Variants in CMSS1 observed in about 807,000 individuals in gnomAD.
The protein encoded by CMSS1 is cms1 ribosomal small subunit homolog.
CMSS1 carries 33 observed loss-of-function variants against 43.5 expected under a neutral mutation model. The observed-to-expected ratio is 0.76, with a 90% confidence interval of 0.57 to 1.01. The LOEUF is 1.01. Ranked by LOEUF, CMSS1 falls within the 50% of genes least tolerant of loss-of-function variation. The pLI is 0.00. For synonymous variants in CMSS1, 115 were observed against 117.2 expected (o/e 0.98, Z 0.12); for missense variants, 313 against 326.4 (o/e 0.96, Z 0.32).
intron 1 of CMSS1, among the ~76,000 whole-genome samples, chr3:99,839,550 C>T (rs1259583411): frequency 1.3e-5 from 2 of 152,120 alleles, no homozygotes; most frequent in African/African-American, 4.8e-5. Context: ...AAAACCAATT[C>T]CCTTCTCCCC....
chr3:100,029,082 C>G (rs1460053326), intron 1 of CMSS1, among the ~76,000 whole-genome samples: 1 of 151,832 alleles, frequency 6.6e-6, no homozygotes, highest in African/African-American at 2.4e-5. Flanking sequence ...CCCAAGCTAC[C>G]CTGGGAGCTG....
rs555819875 is a variant in CMSS1 at position 100,074,675 on chromosome 3, A to AT, written c.65-72262dup. Among the ~76,000 whole-genome samples the AT allele has an allele frequency of 9.4e-3, 328 of 34,770 alleles. 123 individuals carry two copies. The highest frequency in any genetic ancestry group is 0.011 in the Non-Finnish European group (223 of 20,228). The allele number at this position is 34,770 out of a possible 152,430, so 22.8% of individuals were successfully genotyped here. ...ATTTTCTATGCATGTGCAACATTTGATTTTTTTTTTTTTTTTTTTTTTTTT... is the reference window on the plus strand; with the variant it reads ...ATTTTCTATGCATGTGCAACATTTGATTTTTTTTTTTTTTTTTTTTTTTTTT... On this transcript the variant is annotated intron_variant, in intron 1 of 9. Transcript: ENST00000421999.
intron 1 of CMSS1, among the ~76,000 whole-genome samples, chr3:99,933,075 G>A (rs900993291): frequency 8.5e-5 from 13 of 152,140 alleles, no homozygotes; most frequent in South Asian, 4.1e-4. Flanking sequence ...ATGGAAGCAC[G>A]GGAAACTTAT....
In CMSS1 at chr3:99,900,397, A is replaced by G. The variant is rs138987589; in HGVS notation, c.64+82354A>G. 3.4e-3 allele frequency among the ~76,000 whole-genome samples: 513 copies of G among 152,340 alleles called. 1 individual carries two copies. Among genetic ancestry groups the G allele is most frequent in the Non-Finnish European group, 5.5e-3 (375 of 68,032 alleles). ...ATATAAATTAATTCATTTAATCTTTACAGCAGCCCTATAAGGGTTATCCCC... is the reference window on the plus strand; with the variant it reads ...ATATAAATTAATTCATTTAATCTTTGCAGCAGCCCTATAAGGGTTATCCCC... On this transcript the variant is annotated intron_variant, in intron 1 of 9. Coordinates refer to ENST00000421999, the MANE Select transcript of CMSS1 (RefSeq NM_032359.4).
At chr3:99,885,301 T>G (rs1705857472) in intron 1 of CMSS1, among the ~76,000 whole-genome samples, 1 of 152,226 alleles carries the variant, frequency 6.6e-6, no homozygotes, top group Non-Finnish European at 1.5e-5. Flanking sequence ...GACCTGGTGT[T>G]GACTCTCAGT....
rs545356638 is a variant in CMSS1 at position 100,066,517 on chromosome 3, C to CTTTT, written c.65-80427_65-80424dup. ...AAGGATGATGTGGAAGGCTTTGCTT[C>CTTTT]TTTTTTTTTTTTTTTTTTTTTTTTT... On this transcript the variant is annotated intron_variant, in intron 1 of 9. Coordinates refer to ENST00000421999, the MANE Select transcript of CMSS1 (RefSeq NM_032359.4). Among the ~76,000 whole-genome samples, 98 of 38,330 alleles carry CTTTT rather than the reference C, an allele frequency of 2.6e-3. 2 individuals carry two copies. The highest frequency in any genetic ancestry group is 3.5e-3 in the African/African-American group (31 of 8,818). The allele number at this position is 38,330 out of a possible 152,430, so 25.1% of individuals were successfully genotyped here.
chr3:100,053,641 T>A (rs1231465241), intron 1 of CMSS1, among the ~76,000 whole-genome samples: 1 of 152,150 alleles, frequency 6.6e-6, no homozygotes, highest in Non-Finnish European at 1.5e-5. Context: ...GTGGGGAGAA[T>A]GGGTATTCAA....
At chr3:100,030,839 G>A (rs922515807) in intron 1 of CMSS1, among the ~76,000 whole-genome samples, 1 of 152,082 alleles carries the variant, frequency 6.6e-6, no homozygotes, top group African/African-American at 2.4e-5. Context: ...AACCTAATAA[G>A]GTATAAGTGG....
At chr3:99,874,676 T>C (rs1705417725) in intron 1 of CMSS1, among the ~76,000 whole-genome samples, 1 of 152,192 alleles carries the variant, frequency 6.6e-6, no homozygotes, top group African/African-American at 2.4e-5. Flanking sequence ...TAGGCACCAA[T>C]GTCATATACT....
At chr3:100,117,131 AAGAT>A (rs1414921723) in intron 1 of CMSS1, among the ~76,000 whole-genome samples, 1 of 152,172 alleles carries the variant, frequency 6.6e-6, no homozygotes, top group Non-Finnish European at 1.5e-5. Context: ...CACACTGTGA[AAGAT>A]AGACGTAGCC....
At chr3:99,946,621 T>C (rs1708016021) in intron 1 of CMSS1, among the ~76,000 whole-genome samples, 1 of 152,220 alleles carries the variant, frequency 6.6e-6, no homozygotes, top group Non-Finnish European at 1.5e-5. Context: ...GTTAAGACTT[T>C]ATGCATCTAA....
chr3:100,053,233 A>C lies in CMSS1; in HGVS notation c.65-93740A>C, dbSNP rs191426667. Among the ~76,000 whole-genome samples the C allele has an allele frequency of 1.3e-4, 20 of 152,310 alleles. 1 individual carries two copies. In the East Asian group the frequency reaches 3.9e-3, roughly 29 times the overall value. ...TTTCCTAGGACTGCCATAACAGATT[A>C]CCACAAATTGGGTGATTTATAATAA... On this transcript the variant is annotated intron_variant, in intron 1 of 9. Transcript: ENST00000421999.
chr3:100,150,737 G>A (rs1006326983), intron 2 of CMSS1, among the ~76,000 whole-genome samples: 2 of 152,080 alleles, frequency 1.3e-5, no homozygotes, highest in African/African-American at 4.8e-5. Flanking sequence ...TTTTCCCCCA[G>A]TAATCACTTC....
chr3:99,962,393 G>T (rs1419597741), intron 1 of CMSS1, among the ~76,000 whole-genome samples: 2 of 152,104 alleles, frequency 1.3e-5, no homozygotes, highest in African/African-American at 4.8e-5. Context: ...CAACATAAAA[G>T]GTTCTGCATG....
intron 1 of CMSS1, among the ~76,000 whole-genome samples, chr3:100,030,947 A>C (rs755021083): frequency 1.3e-5 from 2 of 152,218 alleles, no homozygotes; most frequent in Non-Finnish European, 2.9e-5. Context: ...ATTATAATAT[A>C]AAATCTATGA....
chr3:99,983,428 G>GTA (rs1553702729), intron 1 of CMSS1, among the ~76,000 whole-genome samples: 1,511 of 46,858 alleles, frequency 0.032, 73 homozygotes, highest in Non-Finnish European at 0.041. Context: ...ATGTATGTAT[G>GTA]TATGTATATA....
chr3:99,876,403 G>T (rs1003999428), intron 1 of CMSS1, among the ~76,000 whole-genome samples: 3 of 152,220 alleles, frequency 2.0e-5, no homozygotes, highest in Non-Finnish European at 4.4e-5. Context: ...GTGGGCCGGG[G>T]CGCCGGCGCC....
Position 99,925,638 on chromosome 3 carries a change from T to G in CMSS1, c.64+107595T>G, listed in dbSNP as rs923837052. Among the ~76,000 whole-genome samples, 3 of 152,186 alleles carry G rather than the reference T, an allele frequency of 2.0e-5. No individual in the cohort carries two copies. In the South Asian group the frequency reaches 6.2e-4, roughly 32 times the overall value. On this transcript the variant is annotated intron_variant, in intron 1 of 9. Coordinates refer to ENST00000421999, the MANE Select transcript of CMSS1 (RefSeq NM_032359.4). ...CAGAGAAGCTGTCCAGCTGGTACCC[T>G]TAGGGGCTTATACGTGGATGCTAAG...
chr3:99,849,240 GTAA>G, intron 1 of CMSS1: 17 of 1,614,136 alleles, frequency 1.1e-5, no homozygotes, highest in Non-Finnish European at 1.4e-5. Context: ...TGAGGCTCTT[GTAA>G]TCAGGTGGTT....
Sources: allele counts gnomAD v4.1 joint callset (sites outside exome capture counted in the v4.1 genomes callset), GRCh38; gene constraint gnomAD v4.1.1; transcripts MANE v1.5; gene names NCBI Gene and HGNC (gene_info 2026-07-23, HGNC 2026-07-21).